The following LUC7L2 variants were observed in gnomAD, a reference collection of about 807,000 sequenced individuals.
The protein encoded by LUC7L2 is LUC7 like 2, pre-mRNA splicing factor, also known as putative RNA-binding protein Luc7-like 2.
Under a neutral mutation model 52.8 loss-of-function variants are expected in LUC7L2, and 25 were observed. That is an observed-to-expected ratio of 0.47 (90% CI 0.34 to 0.66). LUC7L2 has a LOEUF of 0.66. LUC7L2 is among the 30% of genes least tolerant of loss of function. The pLI is 0.01. For synonymous variants in LUC7L2, 144 were observed against 160.9 expected, an observed-to-expected ratio of 0.89 and a Z score of 0.80; for missense variants, 328 against 497.8, an observed-to-expected ratio of 0.66 and a Z score of 3.25.
At chr7:139,360,363 G>A in intron 1 of LUC7L2, 41 bp downstream of exon 1, 2 of 1,536,792 alleles carry the variant, frequency 1.3e-6, no homozygotes, top group South Asian at 1.2e-5. Flanking sequence ...GGAGGGGACG[G>A]GGACGGCGAA....
At chr7:139,354,425 G>A (rs1274273430) in intron 1 of LUC7L2, among the ~76,000 whole-genome samples, 1 of 152,120 alleles carries the variant, frequency 6.6e-6, no homozygotes, top group African/African-American at 2.4e-5. Context: ...GCAGTGGCAC[G>A]ATCTTGGCTC....
At chr7:139,409,756 C>T (rs1365266218) in intron 7 of LUC7L2, 102 bp downstream of exon 7, 89 of 1,385,914 alleles carry the variant, frequency 6.4e-5, no homozygotes, top group Middle Eastern at 2.0e-4. Context: ...TGTTATGGGA[C>T]GTGGGAAACT....
chr7:139,407,387 T>C (rs940849573), intron 6 of LUC7L2, 37 bp downstream of exon 6: 5 of 1,581,966 alleles, frequency 3.2e-6, no homozygotes, highest in Non-Finnish European at 4.3e-6. Context: ...TATCCTCTTG[T>C]TCTTTTGATC....
intron 2 of LUC7L2, among the ~76,000 whole-genome samples, chr7:139,393,576 A>G (rs1223359622): frequency 6.6e-6 from 1 of 152,066 alleles, no homozygotes; most frequent in Non-Finnish European, 1.5e-5. Flanking sequence ...CCTCCTGAGT[A>G]GCTGGGATTA....
At chr7:139,372,488 C>G (rs1395548032) in intron 1 of LUC7L2, among the ~76,000 whole-genome samples, 1 of 151,840 alleles carries the variant, frequency 6.6e-6, no homozygotes, top group Non-Finnish European at 1.5e-5. Context: ...TAAGTCCTGT[C>G]TTTCCTTCAA....
intron 2 of LUC7L2, among the ~76,000 whole-genome samples, chr7:139,391,113 G>A (rs1234914409): frequency 1.3e-5 from 2 of 152,244 alleles, no homozygotes; most frequent in South Asian, 2.1e-4. Context: ...ATAATATTGT[G>A]TAGTGTGGCT....
intron 2 of LUC7L2, among the ~76,000 whole-genome samples, chr7:139,386,047 G>T (rs1286534482): frequency 6.6e-6 from 1 of 151,990 alleles, no homozygotes; most frequent in Admixed American, 6.6e-5. Flanking sequence ...GTGTCTCCCA[G>T]GCTGGAGTGC....
chr7:139,392,543 C>T (rs1389953162), intron 2 of LUC7L2: 1 of 238,436 alleles, frequency 4.2e-6, no homozygotes, highest in Non-Finnish European at 8.9e-6. Context: ...AAATGCAGAA[C>T]TGAACTTAAT....
intron 1 of LUC7L2, among the ~76,000 whole-genome samples, chr7:139,341,800 C>G (rs2131134257): frequency 1.3e-5 from 2 of 152,276 alleles, no homozygotes; most frequent in South Asian, 4.1e-4. Context: ...ATTGGCTGGT[C>G]TGTTGCCTCT....
upstream of LUC7L2, among the ~76,000 whole-genome samples, chr7:139,357,459 C>G (rs2131166887): frequency 1.3e-5 from 2 of 152,204 alleles, no homozygotes; most frequent in Middle Eastern, 3.4e-3. Context: ...ATCTCTTCAA[C>G]AAAACATAAT....
chr7:139,376,073 C>G lies in LUC7L2; in HGVS notation c.73C>G (p.Arg25Gly). 6.2e-7 allele frequency: 1 copy of G among 1,613,740 alleles called. No homozygotes were observed. ...CTTCTATATTACAGGAGATACAACT[C>G]GTCAACGAATCAAATTCAGTGATGA... ...MGTSRDGDTT[R>G]QRIKFSDDRV... Residue 25 changes from arginine (R) to glycine (G), a missense_variant, in exon 2 of 10, where the codon CGT becomes GGT. Physicochemically the swap from Arg to Gly is moderately radical, Grantham distance 125. This residue lies in a region of LUC7L2 where 133 missense variants were observed against 274.4 expected (regional missense o/e 0.48). Coordinates refer to ENST00000354926, the MANE Select transcript of LUC7L2 (RefSeq NM_016019.5).
At chr7:139,351,717 G>T (rs1179375016) in intron 1 of LUC7L2, among the ~76,000 whole-genome samples, 2 of 152,198 alleles carry the variant, frequency 1.3e-5, no homozygotes, top group Non-Finnish European at 2.9e-5. Context: ...GGGAGCCATG[G>T]TCTTGATTTC....
intron 2 of LUC7L2, among the ~76,000 whole-genome samples, chr7:139,391,352 A>ATATT (rs1794441074): frequency 6.6e-6 from 1 of 152,218 alleles, no homozygotes; most frequent in Admixed American, 6.5e-5. Context: ...AACTGAACAA[A>ATATT]TGTTCAAACA....
At chr7:139,353,458 G>A (rs973302243) in intron 1 of LUC7L2, among the ~76,000 whole-genome samples, 13 of 152,134 alleles carry the variant, frequency 8.5e-5, no homozygotes, top group Admixed American at 6.5e-5. Flanking sequence ...TCCTGGAAGA[G>A]GAATGGTTAT....
At chr7:139,375,681 T>C in intron 1 of LUC7L2, 1 of 931,708 alleles carries the variant, frequency 1.1e-6, no homozygotes. Flanking sequence ...TGTATACCAG[T>C]ATAAACTCTC....
intron 2 of LUC7L2, among the ~76,000 whole-genome samples, chr7:139,391,031 A>G (rs906161088): frequency 6.6e-6 from 1 of 152,110 alleles, no homozygotes; most frequent in Non-Finnish European, 1.5e-5. Flanking sequence ...ATGCCATTAT[A>G]TTGTTTGAAT....
rs940870633 is a variant in LUC7L2, at chr7:139,383,320, G to C, written c.156+7164G>C. Among the ~76,000 whole-genome samples, 46 of 151,786 alleles carry C rather than the reference G, an allele frequency of 3.0e-4. 1 individual carries two copies. The highest frequency in any genetic ancestry group is 4.4e-5 in the Non-Finnish European group (3 of 67,978). ...TTTTAGTAGAGACGGGGTTTCTCCA[G>C]TTGGTCAGGCTGGTCTTGAACTCCT... On this transcript the variant is annotated intron_variant, in intron 2 of 9. Coordinates refer to ENST00000354926, the MANE Select transcript of LUC7L2 (RefSeq NM_016019.5).
intron 2 of LUC7L2, among the ~76,000 whole-genome samples, chr7:139,379,566 T>A (rs1800888492): frequency 1.5e-5 from 1 of 66,302 alleles, no homozygotes. Context: ...TTTTTTTTTT[T>A]TTTTTTTTTT....
intron 1 of LUC7L2, among the ~76,000 whole-genome samples, chr7:139,367,994 A>G (rs1800250825): frequency 1.3e-5 from 2 of 152,328 alleles, no homozygotes; most frequent in South Asian, 4.1e-4. Context: ...GCGGCAGGGC[A>G]TGTTGCTAGG....
Sources: allele counts gnomAD v4.1 joint callset (sites outside exome capture counted in the v4.1 genomes callset), GRCh38; gene constraint gnomAD v4.1.1; regional missense constraint gnomAD v4.1.1; transcripts MANE v1.5; gene names NCBI Gene and HGNC (gene_info 2026-07-23, HGNC 2026-07-21).